Variants in ALOX5AP observed in about 807,000 individuals in gnomAD.
ALOX5AP encodes the protein arachidonate 5-lipoxygenase activating protein.
A neutral mutation model predicts 18.5 loss-of-function variants in ALOX5AP; 9 were observed. That is an observed-to-expected ratio of 0.49 (90% CI 0.29 to 0.85). The LOEUF is 0.85. Among genes scored for constraint, ALOX5AP ranks in the 40% least tolerant of loss-of-function variants. ALOX5AP has a pLI of 0.08. For missense variants in ALOX5AP, 172 were observed against 202.5 expected (o/e 0.85, Z 0.91); for synonymous variants, 81 against 78.6 (o/e 1.03, Z -0.16).
chr13:30,749,919 C>T (rs924060661), intron 2 of ALOX5AP, among the ~76,000 whole-genome samples: 2 of 152,160 alleles, frequency 1.3e-5, no homozygotes, highest in Admixed American at 6.5e-5. Flanking sequence ...CCCAAGTTCT[C>T]AGTGGTACCA....
At chr13:30,734,608 T>C (rs1399697938), upstream of ALOX5AP, among the ~76,000 whole-genome samples, 1 of 152,208 alleles carries the variant, frequency 6.6e-6, no homozygotes, top group East Asian at 1.9e-4. Context: ...TCTTATACTT[T>C]CTCAGAAAGC....
intron 2 of ALOX5AP, among the ~76,000 whole-genome samples, chr13:30,751,233 T>G (rs17238857): frequency 0.075 from 11,341 of 152,082 alleles, 529 homozygotes; most frequent in East Asian, 0.11. Flanking sequence ...CTGGCTATTT[T>G]TTGTGTTTTT....
chr13:30,755,172 G>C (rs907989772), intron 3 of ALOX5AP, among the ~76,000 whole-genome samples: 1 of 152,104 alleles, frequency 6.6e-6, no homozygotes, highest in Non-Finnish European at 1.5e-5. Flanking sequence ...AACGCAGAGG[G>C]AATCTCCTTC....
chr13:30,751,823 A>T (rs1951854494), intron 2 of ALOX5AP, among the ~76,000 whole-genome samples: 1 of 152,258 alleles, frequency 6.6e-6, no homozygotes, highest in Non-Finnish European at 1.5e-5. Context: ...GCATCACCGT[A>T]GGAACAGAGT....
chr13:30,713,570 A>C, exon 1 of ALOX5AP: 1 of 621,690 alleles, frequency 1.6e-6, no homozygotes, highest in Non-Finnish European at 2.9e-6. Context: ...GCAGCTCTGC[A>C]TGGCCTGATT....
chr13:30,720,662 A>G (rs1406273796), intron 1 of ALOX5AP, among the ~76,000 whole-genome samples: 1 of 152,230 alleles, frequency 6.6e-6, no homozygotes, highest in Non-Finnish European at 1.5e-5. Context: ...TCAAAAGGAA[A>G]ACAGGAACTA....
At position 30,736,434 on chromosome 13, in the gene ALOX5AP, G is replaced by C. The variant is rs906972183; in HGVS notation, c.70+759G>C. Among the ~76,000 whole-genome samples, 4 of 150,924 alleles carry C rather than the reference G, an allele frequency of 2.7e-5. No individual in the cohort carries two copies. In the South Asian group the frequency reaches 8.4e-4, roughly 32 times the overall value. On this transcript the variant is annotated intron_variant, in intron 1 of 4. Coordinates refer to ENST00000380490, the MANE Select transcript of ALOX5AP (RefSeq NM_001629.4). ...TGTAGAGCTGTCTTCCTAAAGTTCT[G>C]AGTTAGGGCTGCCTCAGACCACTTT... is the stretch of plus-strand genomic sequence containing the variant.
rs561460572 is a variant in ALOX5AP, at chr13:30,750,162, C to A, written c.171-1890C>A. On this transcript the variant is annotated intron_variant, in intron 2 of 4. Coordinates refer to ENST00000380490, the MANE Select transcript of ALOX5AP (RefSeq NM_001629.4). ...CATGTTCTCGATGCTGCTGCCGCCT[C>A]TGGTCCCGAGAGCATGCCTGGAGAA... Among the ~76,000 whole-genome samples the A allele has an allele frequency of 5.3e-5, 8 of 151,162 alleles. No individual in the cohort carries two copies. In the South Asian group the frequency reaches 1.7e-3, roughly 31 times the overall value.
chr13:30,760,088 A>G (rs1411436333), intron 4 of ALOX5AP, among the ~76,000 whole-genome samples: 3 of 152,142 alleles, frequency 2.0e-5, no homozygotes, highest in Admixed American at 2.0e-4. Flanking sequence ...GGCAGAGGAG[A>G]AATATCTTGT....
chr13:30,724,641 A>G (rs1043929751), intron 1 of ALOX5AP, among the ~76,000 whole-genome samples: 1 of 152,212 alleles, frequency 6.6e-6, no homozygotes, highest in Non-Finnish European at 1.5e-5. Flanking sequence ...AAAGATAACT[A>G]TTCGCCTTTT....
intron 3 of ALOX5AP, among the ~76,000 whole-genome samples, chr13:30,754,612 C>T (rs897892481): frequency 3.9e-5 from 6 of 152,154 alleles, no homozygotes; most frequent in Non-Finnish European, 8.8e-5. Context: ...ACATCTGAAG[C>T]GCAATAAATG....
At chr13:30,739,105 C>T (rs750915957) in intron 1 of ALOX5AP, among the ~76,000 whole-genome samples, 14 of 152,134 alleles carry the variant, frequency 9.2e-5, no homozygotes, top group Non-Finnish European at 2.1e-4. Context: ...CCGCCTCCAC[C>T]GGCTGCTTCT....
At position 30,744,120 on chromosome 13, in the gene ALOX5AP, G is replaced by C. The variant is rs756591705; in HGVS notation, c.131G>C (p.Arg44Thr). The C allele has an allele frequency of 6.2e-7, 1 of 1,614,028 alleles. No homozygotes were observed. The highest frequency in any genetic ancestry group is 2.2e-5 in the East Asian group (1 of 44,872). Residue 44 changes from arginine to threonine, a missense_variant, in exon 2 of 5, where the codon AGG becomes ACG. Transcript: ENST00000380490. Reference protein sequence around the residue: ...SRTQNGRSFQRTGTLAFERVY... With the variant: ...SRTQNGRSFQTTGTLAFERVY... ...ACCCAGAATGGGAGGAGCTTCCAGA[G>C]GACCGGAACACTTGCCTTTGAGCGG...
chr13:30,750,485 T>C (rs1305248282), intron 2 of ALOX5AP, among the ~76,000 whole-genome samples: 2 of 152,214 alleles, frequency 1.3e-5, no homozygotes, highest in Admixed American at 6.5e-5. Flanking sequence ...TAATTTAGTA[T>C]AGTTGAAGAG....
intron 1 of ALOX5AP, among the ~76,000 whole-genome samples, chr13:30,726,004 G>A (rs1951636721): frequency 6.6e-6 from 1 of 152,164 alleles, no homozygotes; most frequent in South Asian, 2.1e-4. Context: ...CAGGATTCAT[G>A]GGTCCAAGAA....
At chr13:30,728,456 T>C (rs906013215) in intron 1 of ALOX5AP, among the ~76,000 whole-genome samples, 1 of 147,836 alleles carries the variant, frequency 6.8e-6, no homozygotes, top group Admixed American at 6.7e-5. Flanking sequence ...TAAAAATGTC[T>C]GTGTATATAT....
intron 1 of ALOX5AP, among the ~76,000 whole-genome samples, chr13:30,727,984 T>C (rs919756655): frequency 6.6e-6 from 1 of 152,088 alleles, no homozygotes; most frequent in Non-Finnish European, 1.5e-5. Context: ...CCCCAAAAGG[T>C]AGGTTGAGGC....
intron 2 of ALOX5AP, 88 bp downstream of exon 2, chr13:30,744,247 T>A: frequency 1.7e-6 from 2 of 1,206,976 alleles, no homozygotes; most frequent in Non-Finnish European, 2.4e-6. Flanking sequence ...TAATACCACA[T>A]GTCTGTCTGA....
At chr13:30,718,382 C>CATATATATAT (rs59562797) in intron 1 of ALOX5AP, among the ~76,000 whole-genome samples, 2,220 of 139,620 alleles carry the variant, frequency 0.016, 32 homozygotes, top group Non-Finnish European at 0.023. Context: ...CACAGATATG[C>CATATATATAT]ATATATATAT....
Sources: gnomAD v4.1 joint callset for allele counts (sites outside exome capture counted in the v4.1 genomes callset) on GRCh38, gnomAD v4.1.1 for gene constraint, MANE v1.5 for transcripts, NCBI Gene and HGNC (gene_info 2026-07-23, HGNC 2026-07-21) for gene names.